Variants in CSMD3 observed in about 807,000 individuals in gnomAD.
CSMD3 encodes CUB and sushi domain-containing protein 3.
CSMD3 carries 177 observed loss-of-function variants against 435.2 expected under a neutral mutation model. The observed-to-expected ratio is 0.41, with a 90% CI of 0.36 to 0.46. The LOEUF (loss-of-function observed/expected upper bound fraction) is 0.46. CSMD3 is among the 20% of genes least tolerant of loss of function. CSMD3 has a pLI of 0.34. For synonymous variants in CSMD3, 1,656 were observed against 1,520.5 expected, an observed-to-expected ratio of 1.09 and a Z score of -2.07; for missense variants, 4,265 against 4,504.6, an observed-to-expected ratio of 0.95 and a Z score of 1.52.
chr8:112,833,794 A>C (rs1384621320), intron 11 of CSMD3, among the ~76,000 whole-genome samples: 1 of 151,898 alleles, frequency 6.6e-6, no homozygotes, highest in South Asian at 2.1e-4. Flanking sequence ...GAACACTACC[A>C]TGTTTCTTAT....
At chr8:112,525,487 G>A (rs1824787790) in intron 27 of CSMD3, among the ~76,000 whole-genome samples, 1 of 149,938 alleles carries the variant, frequency 6.7e-6, no homozygotes, top group Non-Finnish European at 1.5e-5. Context: ...ATGGTGGACC[G>A]AGGCGGGCGG....
chr8:112,260,871 G>A (rs1051205159), intron 61 of CSMD3, among the ~76,000 whole-genome samples: 19 of 152,040 alleles, frequency 1.2e-4, no homozygotes, highest in Non-Finnish European at 1.6e-4. Flanking sequence ...TACTATTTGG[G>A]TGATAGTTAC....
intron 1 of CSMD3, among the ~76,000 whole-genome samples, chr8:113,315,300 T>G (rs574480841): frequency 6.6e-6 from 1 of 152,252 alleles, no homozygotes; most frequent in South Asian, 2.1e-4. Flanking sequence ...TGTCTCACCC[T>G]GATTATAGAA....
At chr8:113,073,712 T>C (rs1293779330) in intron 5 of CSMD3, among the ~76,000 whole-genome samples, 1 of 151,840 alleles carries the variant, frequency 6.6e-6, no homozygotes, top group Non-Finnish European at 1.5e-5. Context: ...TTCTTTTTTT[T>C]TTCAGTAAAA....
intron 9 of CSMD3, among the ~76,000 whole-genome samples, chr8:112,929,251 T>C (rs2083018854): frequency 7.3e-6 from 1 of 137,614 alleles, no homozygotes; most frequent in African/African-American, 2.6e-5. Flanking sequence ...GGGGGAGGGA[T>C]AGCATTGGGA....
intron 1 of CSMD3, among the ~76,000 whole-genome samples, chr8:113,385,036 G>T (rs1160821978): frequency 6.6e-6 from 1 of 152,144 alleles, no homozygotes; most frequent in Non-Finnish European, 1.5e-5. Context: ...TTATCAGCCT[G>T]TGAAAAACTG....
At chr8:113,232,813 G>T (rs562980305) in intron 3 of CSMD3, among the ~76,000 whole-genome samples, 1 of 151,382 alleles carries the variant, frequency 6.6e-6, no homozygotes, top group East Asian at 1.9e-4. Context: ...CCTAAACGAA[G>T]AAAAAAAGAG....
chr8:113,180,764 G>C (rs1248447345), intron 3 of CSMD3, among the ~76,000 whole-genome samples: 1 of 152,000 alleles, frequency 6.6e-6, no homozygotes, highest in Non-Finnish European at 1.5e-5. Context: ...GGATCACATT[G>C]CCACCATGTG....
chr8:113,018,713 T>G, intron 6 of CSMD3: 1 of 231,542 alleles, frequency 4.3e-6, no homozygotes, highest in Non-Finnish European at 8.6e-6. Context: ...TGAGTTTCGA[T>G]TGAGAAAGAG....
intron 3 of CSMD3, among the ~76,000 whole-genome samples, chr8:113,231,761 A>G (rs1284297311): frequency 6.6e-6 from 1 of 151,484 alleles, no homozygotes; most frequent in Non-Finnish European, 1.5e-5. Flanking sequence ...GTAATTCTCA[A>G]AAAATATTAG....
chr8:113,368,154 G>A (rs984905093), intron 1 of CSMD3, among the ~76,000 whole-genome samples: 41 of 152,040 alleles, frequency 2.7e-4, no homozygotes, highest in African/African-American at 9.4e-4. Context: ...TGGCATAATT[G>A]GCCAACTGCC....
intron 22 of CSMD3, among the ~76,000 whole-genome samples, chr8:112,610,566 A>G (rs1302680062): frequency 6.6e-6 from 1 of 152,230 alleles, no homozygotes; most frequent in Non-Finnish European, 1.5e-5. Context: ...GGTAATAAAA[A>G]AAAATTGTAT....
intron 31 of CSMD3, among the ~76,000 whole-genome samples, chr8:112,485,491 T>G (rs559999548): frequency 6.6e-6 from 1 of 152,112 alleles, no homozygotes; most frequent in Non-Finnish European, 1.5e-5. Context: ...GATAATGGAA[T>G]GAGACTCTAG....
intron 32 of CSMD3, among the ~76,000 whole-genome samples, chr8:112,410,495 A>AATATATATATATAT (rs4029455): frequency 3.4e-4 from 42 of 122,722 alleles, no homozygotes; most frequent in Admixed American, 1.0e-3. Flanking sequence ...AAATACTCCA[A>AATATATATATATAT]ATATATATAT....
chr8:113,058,587 A>T (rs1401662281), intron 5 of CSMD3, among the ~76,000 whole-genome samples: 1 of 152,006 alleles, frequency 6.6e-6, no homozygotes, highest in Admixed American at 6.6e-5. Context: ...TATTAGAAAC[A>T]TTCATAATAA....
intron 45 of CSMD3, 136 bp downstream of exon 45, chr8:112,335,193 C>T: frequency 8.2e-6 from 7 of 854,236 alleles, no homozygotes; most frequent in Non-Finnish European, 1.3e-5. Flanking sequence ...GTTTGAAATG[C>T]TAAAGTTACT....
At chr8:113,338,360 C>G (rs576307676) in intron 1 of CSMD3, among the ~76,000 whole-genome samples, 1 of 151,984 alleles carries the variant, frequency 6.6e-6, no homozygotes, top group Non-Finnish European at 1.5e-5. Context: ...AGAGTACCAT[C>G]TGACCCAGAA....
At chr8:112,793,807 A>T (rs13257757) in intron 13 of CSMD3, among the ~76,000 whole-genome samples, 3 of 152,334 alleles carry the variant, frequency 2.0e-5, no homozygotes, top group Non-Finnish European at 4.4e-5. Context: ...AAGAAGTCAC[A>T]TCCTGTTTAC....
chr8:112,573,543 C>T lies in CSMD3; in HGVS notation c.4000G>A (p.Asp1334Asn), dbSNP rs768092479. ...SNQLWLEFNS[D>N]TEGTDEGFQL... Reference sequence around the variant, plus strand: ...AAGCCTTCATCTGTCCCTTCAGTATCGGAATTAAATTCTAGCCAGAGTTGA... The same window carrying T: ...AAGCCTTCATCTGTCCCTTCAGTATTGGAATTAAATTCTAGCCAGAGTTGA... Residue 1334 changes from aspartate to asparagine, a missense_variant, in exon 24 of 71, where the codon GAT (aspartate) becomes AAT (asparagine). Physicochemically the swap from Asp to Asn is conservative, Grantham distance 23. This residue lies in a region of CSMD3 where 3,255 missense variants were observed against 3,380.2 expected (regional missense o/e 0.96). Coordinates refer to ENST00000297405, the MANE Select transcript of CSMD3 (RefSeq NM_198123.2). The T allele has an allele frequency of 6.9e-5, 112 of 1,613,304 alleles. No homozygotes were observed. Among genetic ancestry groups the T allele is most frequent in the Middle Eastern group, 1.6e-4 (1 of 6,082 alleles).
Sources: allele counts gnomAD v4.1 joint callset (sites outside exome capture counted in the v4.1 genomes callset), GRCh38; gene constraint gnomAD v4.1.1; regional missense constraint gnomAD v4.1.1; transcripts MANE v1.5; gene names NCBI Gene and HGNC (gene_info 2026-07-23, HGNC 2026-07-21).